The following BRINP3 variants were observed in gnomAD, a reference collection of about 807,000 sequenced individuals.
BRINP3 encodes BMP/retinoic acid-inducible neural-specific protein 3.
Under a neutral mutation model 71.0 loss-of-function variants are expected in BRINP3, and 19 were observed. The observed-to-expected ratio is 0.27, with a 90% CI of 0.19 to 0.39. The LOEUF is 0.39. BRINP3 is among the 10% of genes least tolerant of loss of function. The probability of loss-of-function intolerance (pLI) is 1.00; values close to 1 mark genes in which losing one functional copy is unlikely to be tolerated. For missense variants in BRINP3, 959 were observed against 940.8 expected, an observed-to-expected ratio of 1.02 and a Z score of -0.25; for synonymous variants, 380 against 337.7, an observed-to-expected ratio of 1.13 and a Z score of -1.37.
At chr1:190,459,836 G>T (rs1676264342) in intron 1 of BRINP3, among the ~76,000 whole-genome samples, 1 of 151,948 alleles carries the variant, frequency 6.6e-6, no homozygotes, top group South Asian at 2.1e-4. Context: ...TAGAACCCAT[G>T]GAAAACTGAA....
At chr1:190,260,919 G>A (rs1661129925) in intron 4 of BRINP3, among the ~76,000 whole-genome samples, 1 of 151,870 alleles carries the variant, frequency 6.6e-6, no homozygotes, top group Admixed American at 6.6e-5. Context: ...CTATAATTCT[G>A]AAAGCTATCT....
At chr1:190,379,997 C>CA (rs34329313) in intron 2 of BRINP3, among the ~76,000 whole-genome samples, 37,724 of 100,678 alleles carry the variant, frequency 0.37, 7,198 homozygotes, top group African/African-American at 0.45. Context: ...GACTCCACCT[C>CA]AAAAAAAAAA....
At chr1:190,148,205 C>T (rs1039936589) in intron 7 of BRINP3, among the ~76,000 whole-genome samples, 4 of 151,910 alleles carry the variant, frequency 2.6e-5, no homozygotes, top group African/African-American at 9.7e-5. Flanking sequence ...TTCTCATTGC[C>T]TCTTCTCAAT....
intron 5 of BRINP3, among the ~76,000 whole-genome samples, chr1:190,228,294 T>C (rs1321064298): frequency 2.0e-5 from 3 of 151,822 alleles, no homozygotes; most frequent in African/African-American, 7.3e-5. Flanking sequence ...CAGGAATCAG[T>C]ATATATTTAT....
chr1:190,259,784 C>T (rs1174213563), intron 4 of BRINP3, among the ~76,000 whole-genome samples: 1 of 151,950 alleles, frequency 6.6e-6, no homozygotes, highest in African/African-American at 2.4e-5. Context: ...AATCCCAGCA[C>T]TTTAGGAGGC....
At chr1:190,149,686 C>T (rs1656216517) in intron 7 of BRINP3, among the ~76,000 whole-genome samples, 1 of 150,228 alleles carries the variant, frequency 6.7e-6, no homozygotes, top group African/African-American at 2.4e-5. Context: ...GGTAGAATTT[C>T]CTTATATTAT....
intron 6 of BRINP3, among the ~76,000 whole-genome samples, chr1:190,168,185 G>C (rs531775560): frequency 1.1e-4 from 17 of 148,802 alleles, no homozygotes; most frequent in Non-Finnish European, 1.9e-4. Flanking sequence ...TACATGACCA[G>C]TGCCTTGAGG....
intron 1 of BRINP3, 149 bp from the exon 2 acceptor site, chr1:190,455,089 T>A (rs1369863767): frequency 4.1e-6 from 2 of 493,028 alleles, no homozygotes; most frequent in East Asian, 3.1e-5. Context: ...ACCAAAATTA[T>A]TTTTTTAGAG....
intron 7 of BRINP3, among the ~76,000 whole-genome samples, chr1:190,150,140 T>A (rs1488201127): frequency 1.3e-5 from 2 of 152,172 alleles, no homozygotes; most frequent in African/African-American, 2.4e-5. Flanking sequence ...TTTTCACTTT[T>A]AGAAAACAGT....
intron 2 of BRINP3, among the ~76,000 whole-genome samples, chr1:190,305,003 T>C (rs1039211787): frequency 8.6e-5 from 13 of 151,950 alleles, no homozygotes; most frequent in African/African-American, 3.1e-4. Context: ...CCAATAGGCA[T>C]CTGGAAAAAT....
chr1:190,099,978 G>T (rs1651556827), intron 7 of BRINP3, among the ~76,000 whole-genome samples: 1 of 152,154 alleles, frequency 6.6e-6, no homozygotes, highest in African/African-American at 2.4e-5. Flanking sequence ...TGAGGGAAGA[G>T]CAATGGCCTT....
intron 2 of BRINP3, among the ~76,000 whole-genome samples, chr1:190,422,551 C>T (rs12040467): frequency 1.3e-5 from 2 of 151,774 alleles, no homozygotes; most frequent in East Asian, 3.9e-4. Context: ...CAGAAATGTT[C>T]CCTGATGTGC....
intron 2 of BRINP3, among the ~76,000 whole-genome samples, chr1:190,370,759 G>A (rs556224600): frequency 1.6e-4 from 24 of 152,316 alleles, no homozygotes; most frequent in African/African-American, 5.8e-4. Flanking sequence ...CTGAGAGTAA[G>A]AGCCAAGCCT....
chr1:190,297,890 A>C (rs2102986792), intron 2 of BRINP3, among the ~76,000 whole-genome samples: 1 of 151,728 alleles, frequency 6.6e-6, no homozygotes, highest in East Asian at 1.9e-4. Flanking sequence ...ATGAACTGGA[A>C]GTGTTATTTT....
At chr1:190,177,277 C>T (rs947783953) in intron 6 of BRINP3, among the ~76,000 whole-genome samples, 30 of 148,976 alleles carry the variant, frequency 2.0e-4, no homozygotes, top group Non-Finnish European at 3.7e-4. Context: ...ATTCTCCTGC[C>T]TCAGTCTCCT....
At chr1:190,138,370 G>A (rs921752614) in intron 7 of BRINP3, among the ~76,000 whole-genome samples, 1 of 152,030 alleles carries the variant, frequency 6.6e-6, no homozygotes, top group Non-Finnish European at 1.5e-5. Flanking sequence ...CATGATTTGA[G>A]GTGAAGTTAT....
At chr1:190,355,285 G>A (rs888159623) in intron 2 of BRINP3, among the ~76,000 whole-genome samples, 6 of 151,864 alleles carry the variant, frequency 4.0e-5, no homozygotes, top group Admixed American at 1.3e-4. Flanking sequence ...AAATAAGAAT[G>A]CACAGAATCA....
chr1:190,360,182 G>A (rs148939162), intron 2 of BRINP3, among the ~76,000 whole-genome samples: 531 of 152,252 alleles, frequency 3.5e-3, no homozygotes, highest in African/African-American at 0.012. Flanking sequence ...AATCGATGGT[G>A]GTTATTCAGC....
chr1:190,403,666 A>G (rs1160014747), intron 2 of BRINP3, among the ~76,000 whole-genome samples: 1 of 152,206 alleles, frequency 6.6e-6, no homozygotes, highest in Non-Finnish European at 1.5e-5. Context: ...TAGGAAATAA[A>G]CTTTCTAGAG....
Sources: allele counts gnomAD v4.1 joint callset (sites outside exome capture counted in the v4.1 genomes callset), GRCh38; gene constraint gnomAD v4.1.1; transcripts MANE v1.5; gene names NCBI Gene and HGNC (gene_info 2026-07-23, HGNC 2026-07-21).